Variants in IL21R observed in about 807,000 individuals in gnomAD.
The protein encoded by IL21R is interleukin 21 receptor, also known as interleukin-21 receptor.
A neutral mutation model predicts 41.3 loss-of-function variants in IL21R; 14 were observed. That is an observed-to-expected ratio of 0.34 (90% CI 0.22 to 0.53). IL21R has a LOEUF of 0.53. IL21R is among the 20% of genes least tolerant of loss of function. The probability of loss-of-function intolerance (pLI) is 0.94; values close to 1 mark genes in which losing one functional copy is unlikely to be tolerated. For synonymous variants in IL21R, 286 were observed against 287.6 expected, an observed-to-expected ratio of 0.99 and a Z score of 0.05; for missense variants, 588 against 681.6, an observed-to-expected ratio of 0.86 and a Z score of 1.53.
At position 27,448,994 on chromosome 16, in the gene IL21R, G is replaced by A; in HGVS notation, c.1328G>A (p.Gly443Glu). 4.3e-6 allele frequency: 7 copies of A among 1,612,744 alleles called. No homozygotes were observed. Among genetic ancestry groups the A allele is most frequent in the Non-Finnish European group, 3.4e-6 (4 of 1,179,888 alleles). ...AGSPGLGGPL[G>E]SLLDRLKPPL... is the part of the protein sequence containing the mutation. ...AGCCCTGGGCTAGGAGGGCCCCTGGGAAGCCTCCTGGACAGACTAAAGCCA... is the reference window on the plus strand; with the variant it reads ...AGCCCTGGGCTAGGAGGGCCCCTGGAAAGCCTCCTGGACAGACTAAAGCCA... The change falls in exon 9 of 9, where the codon GGA becomes GAA. Residue 443 changes from glycine (G) to glutamate (E), a missense_variant. Gly to Glu is a moderately conservative substitution (Grantham distance 98, BLOSUM62 -2). Transcript: ENST00000337929.
chr16:27,416,148 A>C (rs2086891610), intron 1 of IL21R, among the ~76,000 whole-genome samples: 1 of 152,184 alleles, frequency 6.6e-6, no homozygotes, highest in Non-Finnish European at 1.5e-5. Context: ...ATTTTGATAC[A>C]GAGTCTCACT....
At chr16:27,441,791 T>C (rs908607552) in intron 4 of IL21R, among the ~76,000 whole-genome samples, 1 of 152,158 alleles carries the variant, frequency 6.6e-6, no homozygotes, top group Non-Finnish European at 1.5e-5. Flanking sequence ...GGAGCATCAC[T>C]TGAGGCCAGG....
At chr16:27,438,106 A>AG (rs1015011004) in intron 4 of IL21R, among the ~76,000 whole-genome samples, 39 of 152,220 alleles carry the variant, frequency 2.6e-4, no homozygotes, top group African/African-American at 9.2e-4. Context: ...GTATTGAAGG[A>AG]GCTAGGCTGG....
At chr16:27,404,849 T>C (rs1433072772) in intron 1 of IL21R, among the ~76,000 whole-genome samples, 1 of 152,082 alleles carries the variant, frequency 6.6e-6, no homozygotes, top group Non-Finnish European at 1.5e-5. Flanking sequence ...TAAGAATGCC[T>C]GTCTTAGGTC....
chr16:27,420,321 T>C (rs2086979112), intron 1 of IL21R, among the ~76,000 whole-genome samples: 1 of 152,240 alleles, frequency 6.6e-6, no homozygotes, highest in Non-Finnish European at 1.5e-5. Flanking sequence ...TTCATTATAG[T>C]CCTATGGGCC....
Position 27,450,678 on chromosome 16 carries a change from G to A in IL21R, c.*1395G>A, listed in dbSNP as rs1221309863. ...CGGCTCTCTGCAACCTCTGTCTCCCGGGTTCAAGCGATTTCCTGCGTCAGC... is the reference window on the plus strand; with the variant it reads ...CGGCTCTCTGCAACCTCTGTCTCCCAGGTTCAAGCGATTTCCTGCGTCAGC... On this transcript the variant is annotated 3_prime_UTR_variant, in exon 9 of 9. Coordinates refer to ENST00000337929, the MANE Select transcript of IL21R (RefSeq NM_181078.3). 1.4e-5 allele frequency: 3 copies of A among 219,336 alleles called. No individual in the cohort carries two copies. The highest frequency in any genetic ancestry group is 1.9e-4 in the South Asian group (1 of 5,404). 13.6% of individuals were successfully genotyped at this position (219,336 alleles called of 1,614,324 possible). A position where few individuals can be genotyped will look rare whatever the true frequency, so the allele number is the denominator to read the frequency against.
rs1053898889 is a variant in IL21R, at chr16:27,449,596, C to A, written c.*313C>A. ...CCTGTGCATGTCTGGACTCACGGAG[C>A]TCACCCATGTGCACAAGTGTGCACA... On this transcript the variant is annotated 3_prime_UTR_variant, in exon 9 of 9. Transcript: ENST00000337929. 9.3e-6 allele frequency: 4 copies of A among 431,888 alleles called. No homozygotes were observed. The East Asian group carries it at 1.1e-4, about 12-fold the overall frequency. The allele number at this position is 431,888 out of a possible 1,614,324, so 26.8% of individuals were successfully genotyped here.
rs1290249782 is a variant in IL21R, at chr16:27,434,246, C to T, written c.50-101C>T. 1.0e-5 allele frequency: 8 copies of T among 774,422 alleles called. No individual in the cohort carries two copies. The Admixed American group carries it at 1.3e-4, about 13-fold the overall frequency. 48.0% of individuals were successfully genotyped at this position (774,422 alleles called of 1,614,324 possible). A position where few individuals can be genotyped will look rare whatever the true frequency, so the allele number is the denominator to read the frequency against. On this transcript the variant is annotated intron_variant, in intron 2 of 8. Coordinates refer to ENST00000337929, the MANE Select transcript of IL21R (RefSeq NM_181078.3). ...CTCATATTTGTCCCGGCCTGGGGAC[C>T]CCTGCACCCATTCTTCCTCCAGCCC...
At position 27,448,607 on chromosome 16, in the gene IL21R, T is replaced by C; in HGVS notation, c.941T>C (p.Leu314Pro). The change falls in exon 9 of 9, where the codon CTG (leucine) becomes CCG (proline). Residue 314 changes from leucine (L) to proline (P), a missense_variant. By Grantham distance (98) the Leu-to-Pro change is moderately conservative (BLOSUM62 -3). Transcript: ENST00000337929. ...TGGAGCCCAGAGGTGCCCTCCACCC[T>C]GGAGGTGTACAGCTGCCACCCACCA... ...GPWSPEVPST[L>P]EVYSCHPPRS... 1 of 1,613,056 alleles carries C rather than the reference T, an allele frequency of 6.2e-7. No homozygotes were observed. Among genetic ancestry groups the C allele is most frequent in the Non-Finnish European group, 8.5e-7 (1 of 1,180,012 alleles).
At chr16:27,430,920 C>T (rs1294893179) in intron 2 of IL21R, among the ~76,000 whole-genome samples, 1 of 152,190 alleles carries the variant, frequency 6.6e-6, no homozygotes, top group Non-Finnish European at 1.5e-5. Flanking sequence ...CAAAAGGAGA[C>T]TGAACCTTGG....
intron 1 of IL21R, among the ~76,000 whole-genome samples, chr16:27,415,585 G>C (rs2086884729): frequency 1.3e-5 from 2 of 152,168 alleles, no homozygotes; most frequent in Admixed American, 6.6e-5. Context: ...AGCTTTAGCA[G>C]AAAAACGCGC....
intron 1 of IL21R, among the ~76,000 whole-genome samples, chr16:27,416,180 C>G (rs1265522548): frequency 6.6e-6 from 1 of 152,160 alleles, no homozygotes; most frequent in Non-Finnish European, 1.5e-5. Flanking sequence ...GCTGGAGTCT[C>G]ACTTTCTCAC....
intron 1 of IL21R, among the ~76,000 whole-genome samples, chr16:27,404,033 T>C (rs1418949900): frequency 6.6e-6 from 1 of 152,046 alleles, no homozygotes; most frequent in Admixed American, 6.5e-5. Context: ...ACCTGCTAGA[T>C]AGAATAACAT....
Position 27,409,155 on chromosome 16 carries a change from C to G in IL21R, c.-17+6537C>G, listed in dbSNP as rs2086790061. On this transcript the variant is annotated intron_variant, in intron 1 of 8. Transcript: ENST00000337929. The stretch of plus-strand genomic sequence containing the variant: ...TCAGCACTTGGAATTGTGTTTATTT[C>G]TCTCTCTCTCCATATATATATTTAT... 1.4e-5 allele frequency among the ~76,000 whole-genome samples: 2 copies of G among 139,140 alleles called. 1 individual carries two copies. The highest frequency in any genetic ancestry group is 5.1e-4 in the South Asian group (2 of 3,926). 91.3% of individuals were successfully genotyped at this position (139,140 alleles called of 152,430 possible).
intron 1 of IL21R, among the ~76,000 whole-genome samples, chr16:27,422,205 T>C (rs2087010296): frequency 5.9e-5 from 9 of 152,108 alleles, no homozygotes; most frequent in Admixed American, 3.3e-4. Context: ...TTCTGCATAC[T>C]GCATATCTTT....
intron 1 of IL21R, among the ~76,000 whole-genome samples, chr16:27,418,578 GC>G (rs1398904501): frequency 1.3e-5 from 2 of 151,586 alleles, no homozygotes; most frequent in East Asian, 2.0e-4. Context: ...CACCATGTTA[GC>G]CAGGATAGTC....
chr16:27,413,576 C>CT (rs35600189), intron 1 of IL21R, among the ~76,000 whole-genome samples: 53,955 of 139,924 alleles, frequency 0.39, 11,215 homozygotes, highest in East Asian at 0.79. Context: ...TGGTCTTGGC[C>CT]TTTTTTTTTT....
Position 27,430,146 on chromosome 16 carries a change from G to A in IL21R, c.49+26G>A, listed in dbSNP as rs773944109. ...GTAAGTGGCTGCCCCGTGGTCTGCG[G>A]GTGGGGAGGGCCCCCATCACAGAGC... On this transcript the variant is annotated intron_variant, in intron 2 of 8. Coordinates refer to ENST00000337929, the MANE Select transcript of IL21R (RefSeq NM_181078.3). The A allele has an allele frequency of 3.1e-6, 5 of 1,595,410 alleles. No individual in the cohort carries two copies. The South Asian group carries it at 4.4e-5, about 14-fold the overall frequency.
At chr16:27,440,248 T>TATATATATATATATATATATATAGAGAG (rs1352160946) in intron 4 of IL21R, among the ~76,000 whole-genome samples, 3 of 64,028 alleles carry the variant, frequency 4.7e-5, no homozygotes, top group Admixed American at 1.8e-4. Context: ...TATATATATA[T>TATATATATATATATATATATATAGAGAG]AGAGAGAGAG....
Sources: gnomAD v4.1 joint callset for allele counts (sites outside exome capture counted in the v4.1 genomes callset) on GRCh38, gnomAD v4.1.1 for gene constraint, MANE v1.5 for transcripts, NCBI Gene and HGNC (gene_info 2026-07-23, HGNC 2026-07-21) for gene names.